Variants in AFDN observed in about 807,000 individuals in gnomAD.
AFDN encodes afadin.
In AFDN, 68 loss-of-function variants were observed where a neutral mutation model predicts 216.6. The observed-to-expected ratio is 0.31, with a 90% CI of 0.26 to 0.38. AFDN has a LOEUF of 0.38. AFDN is among the 10% of genes least tolerant of loss of function. The pLI is 1.00. For synonymous variants in AFDN, 868 were observed against 853.7 expected, an observed-to-expected ratio of 1.02 and a Z score of -0.29; for missense variants, 2,136 against 2,342.0, an observed-to-expected ratio of 0.91 and a Z score of 1.82.
chr6:167,890,190 A>G (rs1243354315), intron 7 of AFDN, among the ~76,000 whole-genome samples: 1 of 152,218 alleles, frequency 6.6e-6, no homozygotes, highest in African/African-American at 2.4e-5. Context: ...GTTTTAAAAC[A>G]CCAAAAAAAT....
rs1158678437 is a variant in AFDN at position 167,951,953 on chromosome 6, G to A, written c.4599G>A (p.Lys1533=). 2 of 1,614,062 alleles carry A rather than the reference G, an allele frequency of 1.2e-6. No individual in the cohort carries two copies. Among genetic ancestry groups the A allele is most frequent in the African/African-American group, 2.7e-5 (2 of 74,932 alleles). ...GGGACGCCAAGGAGAAGCTGGAGAA[G>A]CAGCAGCAGATGCACATCGTGGACA... is the stretch of plus-strand genomic sequence containing the variant. ...WKRDAKEKLE[K]QQQMHIVDML... Residue 1533 remains lysine, a synonymous_variant, in exon 30 of 34, where the codon AAG becomes AAA. Transcript: ENST00000683244. This position sits in a 1 kb window ranked among gnomAD's most constrained non-coding sequence, Gnocchi z 7.1.
Position 167,962,121 on chromosome 6 carries a change from T to C in AFDN, c.4834-312T>C, listed in dbSNP as rs1797095886. ...AATTTACATGAACGGGTTAACTAAA[T>C]TTGTTCCAGTAAAAGAATTGTGCTT... On this transcript the variant is annotated intron_variant, in intron 30 of 33. Coordinates refer to ENST00000683244, the MANE Select transcript of AFDN (RefSeq NM_001386888.1). This position sits in a 1 kb window ranked among gnomAD's most constrained non-coding sequence, Gnocchi z 5.2. Among the ~76,000 whole-genome samples the C allele has an allele frequency of 6.6e-6, 1 of 152,188 alleles. No individual in the cohort carries two copies. Among genetic ancestry groups the C allele is most frequent in the Non-Finnish European group, 1.5e-5 (1 of 68,046 alleles).
chr6:167,888,258 T>C (rs1423535466), intron 6 of AFDN, among the ~76,000 whole-genome samples: 1 of 152,218 alleles, frequency 6.6e-6, no homozygotes, highest in Non-Finnish European at 1.5e-5. Flanking sequence ...TTTAAGGTAA[T>C]TGAAGCAGTG....
In AFDN at chr6:167,911,167, GTAAT is replaced by G. The variant is rs759022967; in HGVS notation, c.1831+7_1831+10del. The stretch of plus-strand genomic sequence containing the variant: ...GCATTGAATTCAGGGAAAGTTGTGA[GTAAT>G]TTCAGATTTCATTGTCAATGAATTA... On this transcript the variant is annotated splice_donor_region_variant and intron_variant, in intron 14 of 33. Transcript: ENST00000683244. 36 of 1,613,242 alleles carry G rather than the reference GTAAT, an allele frequency of 2.2e-5. 2 individuals carry two copies. The South Asian group carries it at 3.8e-4, about 17-fold the overall frequency.
At chr6:167,921,790 A>G (rs766563557) in intron 21 of AFDN, among the ~76,000 whole-genome samples, 1 of 151,294 alleles carries the variant, frequency 6.6e-6, no homozygotes, top group Non-Finnish European at 1.5e-5. Flanking sequence ...ATCTGAATTG[A>G]AATAGTGATT....
chr6:167,953,559 CAA>C (rs1211651964), intron 30 of AFDN, among the ~76,000 whole-genome samples: 1 of 152,214 alleles, frequency 6.6e-6, no homozygotes, highest in Non-Finnish European at 1.5e-5. Flanking sequence ...TAGTATTCCT[CAA>C]GTCATTAGTA....
intron 6 of AFDN, 23 bp downstream of exon 6, chr6:167,880,540 T>G (rs779258204): frequency 6.2e-7 from 1 of 1,606,700 alleles, no homozygotes; most frequent in African/African-American, 1.3e-5. Context: ...ATCAAATCAG[T>G]AGTTCTTTCT....
chr6:167,910,764 C>G (rs1265660499), intron 13 of AFDN, among the ~76,000 whole-genome samples: 2 of 152,156 alleles, frequency 1.3e-5, no homozygotes, highest in Non-Finnish European at 2.9e-5. Context: ...ACTTTGTTTT[C>G]AGTGTTACCT....
chr6:167,925,810 G>A (rs1485138976), intron 23 of AFDN, among the ~76,000 whole-genome samples: 1 of 152,150 alleles, frequency 6.6e-6, no homozygotes, highest in Non-Finnish European at 1.5e-5. Context: ...TGTTTGCTTA[G>A]AATGAATTTT....
At chr6:167,926,727 T>C (rs1248275107) in intron 23 of AFDN, among the ~76,000 whole-genome samples, 1 of 152,234 alleles carries the variant, frequency 6.6e-6, no homozygotes, top group East Asian at 1.9e-4. Flanking sequence ...TGTCCTACTT[T>C]GCAAGGACTT....
intron 1 of AFDN, among the ~76,000 whole-genome samples, chr6:167,854,645 G>A (rs1436848653): frequency 6.6e-6 from 1 of 151,514 alleles, no homozygotes; most frequent in Non-Finnish European, 1.5e-5. Flanking sequence ...TCTCTTTGCC[G>A]TCTGTCTGTC....
rs1441677845 is a variant in AFDN, at chr6:167,962,966, A to C, written c.4968+399A>C. On this transcript the variant is annotated intron_variant, in intron 31 of 33. Transcript: ENST00000683244. This position sits in a 1 kb window ranked among gnomAD's most constrained non-coding sequence, Gnocchi z 5.2. ...CCGTGGGAAGCAGTAGGAGCGTAGT[A>C]AGACAGTTGGCTGCCATTCAACATT... 9.1e-7 allele frequency: 1 copy of C among 1,098,136 alleles called. No individual in the cohort carries two copies. Among genetic ancestry groups the C allele is most frequent in the Non-Finnish European group, 1.1e-6 (1 of 897,998 alleles). 68.0% of individuals were successfully genotyped at this position (1,098,136 alleles called of 1,614,324 possible). A position where few individuals can be genotyped will look rare whatever the true frequency, so the allele number is the denominator to read the frequency against.
chr6:167,931,588 T>C (rs994352101), intron 23 of AFDN, among the ~76,000 whole-genome samples: 4 of 152,198 alleles, frequency 2.6e-5, no homozygotes, highest in Admixed American at 1.3e-4. Context: ...ACTGGATTAC[T>C]AAATACAGTC....
chr6:167,839,678 C>A (rs573784473), intron 1 of AFDN, among the ~76,000 whole-genome samples: 2 of 152,158 alleles, frequency 1.3e-5, no homozygotes, highest in Non-Finnish European at 2.9e-5. Flanking sequence ...TCCATTTCCA[C>A]GTTCACTCAT....
At position 167,970,594 on chromosome 6, in the gene AFDN, T is replaced by C; in HGVS notation, c.*659T>C. 1 of 210,990 alleles carries C rather than the reference T, an allele frequency of 4.7e-6. No homozygotes were observed. The allele number at this position is 210,990 out of a possible 1,614,324, so 13.1% of individuals were successfully genotyped here. A position where few individuals can be genotyped will look rare whatever the true frequency, so the allele number is the denominator to read the frequency against. On this transcript the variant is annotated 3_prime_UTR_variant, in exon 34 of 34. Transcript: ENST00000683244. Reference sequence around the variant, plus strand: ...CGCAAATTTGAGCTCTTCTGATCAATTCTAAATATTTGATTAATTTTAATT... The same window carrying C: ...CGCAAATTTGAGCTCTTCTGATCAACTCTAAATATTTGATTAATTTTAATT...
chr6:167,905,705 T>G (rs754815925), intron 12 of AFDN, among the ~76,000 whole-genome samples: 4 of 144,392 alleles, frequency 2.8e-5, no homozygotes, highest in Non-Finnish European at 5.9e-5. Flanking sequence ...CATATAAACA[T>G]ACTCTAATTT....
intron 6 of AFDN, among the ~76,000 whole-genome samples, chr6:167,884,108 A>ACTCCT (rs1401673714): frequency 1.3e-5 from 2 of 151,770 alleles, no homozygotes; most frequent in East Asian, 3.9e-4. Context: ...ACAAGAGGCA[A>ACTCCT]CTCCTTGTTT....
intron 1 of AFDN, among the ~76,000 whole-genome samples, chr6:167,849,072 T>C (rs990772347): frequency 2.0e-5 from 3 of 152,190 alleles, no homozygotes; most frequent in African/African-American, 7.2e-5. Context: ...TCCACTTACT[T>C]GATCTTCCTT....
rs184742038 is a variant in AFDN, at chr6:167,839,290, C to T, written c.105+12053C>T. Among the ~76,000 whole-genome samples, 529 of 151,430 alleles carry T rather than the reference C, an allele frequency of 3.5e-3. 3 individuals carry two copies. The highest frequency in any genetic ancestry group is 0.012 in the African/African-American group (488 of 41,296). On this transcript the variant is annotated intron_variant, in intron 1 of 33. Transcript: ENST00000683244. ...TGAACTGATGCCTATGAACAGCAAA[C>T]GTTTCGGAAATAGTTATGTGCCTGT...
Sources: gnomAD v4.1 joint callset for allele counts (sites outside exome capture counted in the v4.1 genomes callset) on GRCh38, gnomAD v4.1.1 for gene constraint, Gnocchi (gnomAD v3.1) non-coding constraint, MANE v1.5 for transcripts, NCBI Gene and HGNC (gene_info 2026-07-23, HGNC 2026-07-21) for gene names.